Variants in TBC1D9 observed in about 807,000 individuals in gnomAD.
The protein encoded by TBC1D9 is TBC1 domain family member 9.
TBC1D9 carries 63 observed loss-of-function variants against 132.0 expected under a neutral mutation model. The observed-to-expected ratio is 0.48, with a 90% confidence interval of 0.39 to 0.59. The LOEUF (loss-of-function observed/expected upper bound fraction) is 0.59, where lower values mean the gene tolerates loss of function less well. Ranked by LOEUF, TBC1D9 falls within the 20% of genes least tolerant of loss-of-function variation. TBC1D9 has a pLI of 0.00. For synonymous variants in TBC1D9, 610 were observed against 609.9 expected (o/e 1.00, Z 0.00); for missense variants, 1,261 against 1,592.7 (o/e 0.79, Z 3.54).
intron 16 of TBC1D9, among the ~76,000 whole-genome samples, chr4:140,632,733 C>A (rs548754411): frequency 6.6e-6 from 1 of 152,072 alleles, no homozygotes; most frequent in South Asian, 2.1e-4. Flanking sequence ...CTCTTGAGTA[C>A]GTGGAATCAA....
intron 2 of TBC1D9, among the ~76,000 whole-genome samples, chr4:140,694,432 G>C (rs1737920315): frequency 6.6e-6 from 1 of 151,990 alleles, no homozygotes; most frequent in African/African-American, 2.4e-5. Flanking sequence ...TTAGCCAGGA[G>C]TGGTGGCGTA....
intron 1 of TBC1D9, among the ~76,000 whole-genome samples, chr4:140,705,548 T>G (rs1738138874): frequency 6.6e-6 from 1 of 151,212 alleles, no homozygotes; most frequent in South Asian, 2.1e-4. Flanking sequence ...GTGTGCGTTT[T>G]AAACCTAAAT....
chr4:140,734,856 T>C (rs1379983484), intron 1 of TBC1D9, among the ~76,000 whole-genome samples: 3 of 152,166 alleles, frequency 2.0e-5, no homozygotes, highest in African/African-American at 7.2e-5. Flanking sequence ...GCTTTCAGTA[T>C]CTCATTTAAC....
At chr4:140,683,528 C>G (rs1737737621) in intron 3 of TBC1D9, among the ~76,000 whole-genome samples, 2 of 152,196 alleles carry the variant, frequency 1.3e-5, no homozygotes, top group African/African-American at 4.8e-5. Context: ...TTCTAGGCAA[C>G]AGCTTCTCAT....
At chr4:140,721,709 G>A (rs1054624045) in intron 1 of TBC1D9, among the ~76,000 whole-genome samples, 10 of 152,072 alleles carry the variant, frequency 6.6e-5, no homozygotes, top group South Asian at 2.1e-4. Flanking sequence ...AGTATTCTCC[G>A]TAATCCCCAT....
chr4:140,705,541 T>C lies in TBC1D9; in HGVS notation c.131-3927A>G, dbSNP rs183089064. On this transcript the variant is annotated intron_variant, in intron 1 of 20. Transcript: ENST00000442267. ...GTGTGTGTGTGTGTGTGTGTGTGTG[T>C]GCGTTTTAAACCTAAATAATAAATT... 4.0e-3 allele frequency among the ~76,000 whole-genome samples: 583 copies of C among 144,362 alleles called. 5 individuals carry two copies. Among genetic ancestry groups the C allele is most frequent in the African/African-American group, 0.014 (543 of 37,796 alleles). The allele number at this position is 144,362 out of a possible 152,430, so 94.7% of individuals were successfully genotyped here.
At chr4:140,739,843 A>T (rs1410919045) in intron 1 of TBC1D9, among the ~76,000 whole-genome samples, 1 of 152,202 alleles carries the variant, frequency 6.6e-6, no homozygotes, top group East Asian at 1.9e-4. Context: ...ATATTGAAAA[A>T]AAAAATTTTT....
chr4:140,732,928 C>T (rs2111069674), intron 1 of TBC1D9, among the ~76,000 whole-genome samples: 1 of 152,302 alleles, frequency 6.6e-6, no homozygotes, highest in African/African-American at 2.4e-5. Context: ...ACAATCGCCA[C>T]TATAAAAATA....
At chr4:140,686,118 T>C (rs909804649) in intron 3 of TBC1D9, among the ~76,000 whole-genome samples, 1 of 152,104 alleles carries the variant, frequency 6.6e-6, no homozygotes, top group Non-Finnish European at 1.5e-5. Context: ...AATATCATGT[T>C]ATCAATAAAA....
intron 9 of TBC1D9, among the ~76,000 whole-genome samples, chr4:140,666,185 T>A (rs542103546): frequency 6.6e-6 from 1 of 152,168 alleles, no homozygotes; most frequent in Non-Finnish European, 1.5e-5. Context: ...CAGTATGCTA[T>A]GTGAAAGAAG....
At chr4:140,627,583 G>A in intron 17 of TBC1D9, 56 bp from the exon 18 acceptor site, 1 of 1,090,576 alleles carries the variant, frequency 9.2e-7, no homozygotes, top group Non-Finnish European at 1.4e-6. Context: ...TCCAGTGAAA[G>A]TATGCTTAAT....
chr4:140,716,194 C>T (rs1182869305), intron 1 of TBC1D9: 2 of 152,156 alleles, frequency 1.3e-5, no homozygotes, highest in African/African-American at 4.8e-5. Context: ...TTTTGAAAAA[C>T]ATTGATAATA....
chr4:140,679,048 C>G lies in TBC1D9; in HGVS notation c.745G>C (p.Ala249Pro). The G allele has an allele frequency of 6.2e-7, 1 of 1,613,934 alleles. No individual in the cohort carries two copies. The highest frequency in any genetic ancestry group is 8.5e-7 in the Non-Finnish European group (1 of 1,179,858). ...NETFKLMEQL[A>P]NIAMRQLLDN... Reference sequence around the variant, plus strand: ...AAGAGTTGCCTCATGGCTATGTTGGCAAGCTGCTCCATTAACTTGAAGGTC... The same window carrying G: ...AAGAGTTGCCTCATGGCTATGTTGGGAAGCTGCTCCATTAACTTGAAGGTC... The change falls in exon 5 of 21, where the codon GCC becomes CCC. Residue 249 changes from alanine (A) to proline (P), a missense_variant. Coordinates refer to ENST00000442267, the MANE Select transcript of TBC1D9 (RefSeq NM_015130.3).
At chr4:140,681,768 A>G (rs867698339) in intron 3 of TBC1D9, among the ~76,000 whole-genome samples, 1 of 152,200 alleles carries the variant, frequency 6.6e-6, no homozygotes, top group South Asian at 2.1e-4. Flanking sequence ...GAAAGAGAAA[A>G]GAAATCTGCA....
chr4:140,741,507 A>C (rs185738546), intron 1 of TBC1D9, among the ~76,000 whole-genome samples: 67 of 152,186 alleles, frequency 4.4e-4, no homozygotes, highest in Non-Finnish European at 5.1e-4. Context: ...GCTTGAGCTC[A>C]GGAATTCAAG....
chr4:140,662,059 A>C lies in TBC1D9; in HGVS notation c.1637T>G (p.Val546Gly), dbSNP rs1737369902. ...ATTATACTTCCCCATGGACTTCTCCACTAGGTCTTCATAGTACCCAGGATG... is the reference window on the plus strand; with the variant it reads ...ATTATACTTCCCCATGGACTTCTCCCCTAGGTCTTCATAGTACCCAGGATG... ...ATHPGYYEDLVEKSMGKYNLA... is the reference protein window; with the variant it reads ...ATHPGYYEDLGEKSMGKYNLA... The change falls in exon 10 of 21, where the codon GTG becomes GGG. Residue 546 changes from valine (V) to glycine (G), a missense_variant. Physicochemically the swap from Val to Gly is moderately radical, Grantham distance 109. Coordinates refer to ENST00000442267, the MANE Select transcript of TBC1D9 (RefSeq NM_015130.3). 6.2e-7 allele frequency: 1 copy of C among 1,613,826 alleles called. No homozygotes were observed.
chr4:140,713,434 T>C (rs1357025578), intron 1 of TBC1D9, among the ~76,000 whole-genome samples: 3 of 152,152 alleles, frequency 2.0e-5, no homozygotes, highest in Admixed American at 6.5e-5. Context: ...ATCAGAAACA[T>C]TTTTTATTAT....
At chr4:140,644,155 C>T (rs1737059830) in intron 13 of TBC1D9, 1 of 365,774 alleles carries the variant, frequency 2.7e-6, no homozygotes, top group African/African-American at 2.1e-5. Context: ...TAGGGCCTCC[C>T]GTAGTGTGGT....
intron 9 of TBC1D9, among the ~76,000 whole-genome samples, chr4:140,668,695 A>G (rs1449727579): frequency 6.6e-6 from 1 of 152,210 alleles, no homozygotes; most frequent in African/African-American, 2.4e-5. Context: ...GACTCGAAGG[A>G]TGGTGGATTC....
Sources: gnomAD v4.1 joint callset for allele counts (sites outside exome capture counted in the v4.1 genomes callset) on GRCh38, gnomAD v4.1.1 for gene constraint, MANE v1.5 for transcripts, NCBI Gene and HGNC (gene_info 2026-07-23, HGNC 2026-07-21) for gene names.